Variants in SNAP47 observed in about 807,000 individuals in gnomAD.
The protein encoded by SNAP47 is synaptosome associated protein 47.
In SNAP47, 20 loss-of-function variants were observed where a neutral mutation model predicts 31.4. The ratio of observed to expected loss-of-function variants is 0.64; its 90% CI spans 0.45 to 0.93. The LOEUF is 0.93. Ranked by LOEUF, SNAP47 falls within the 40% of genes least tolerant of loss-of-function variation. SNAP47 has a pLI of 0.00. For missense variants in SNAP47, 492 were observed against 528.5 expected (o/e 0.93, Z 0.68); for synonymous variants, 194 against 213.4 (o/e 0.91, Z 0.79).
At chr1:227,728,287 A>T (rs1312994775), upstream of SNAP47, among the ~76,000 whole-genome samples, 2 of 150,648 alleles carry the variant, frequency 1.3e-5, no homozygotes, top group Non-Finnish European at 3.0e-5. Context: ...ACACAAGGGT[A>T]GGGAAGGGTT....
At chr1:227,729,859 G>A (rs1660528798) in intron 1 of SNAP47, among the ~76,000 whole-genome samples, 1 of 152,162 alleles carries the variant, frequency 6.6e-6, no homozygotes, top group South Asian at 2.1e-4. Context: ...CTCACTCTGT[G>A]TCCTCCCAGG....
intron 2 of SNAP47, among the ~76,000 whole-genome samples, chr1:227,757,763 A>G (rs1456637121): frequency 6.6e-6 from 1 of 152,244 alleles, no homozygotes; most frequent in Admixed American, 6.5e-5. Context: ...TACAGTCAGG[A>G]TGGAAGGAAA....
chr1:227,766,719 G>GTC (rs1663425594), intron 3 of SNAP47, among the ~76,000 whole-genome samples: 1 of 152,174 alleles, frequency 6.6e-6, no homozygotes, highest in Non-Finnish European at 1.5e-5. Context: ...AAACCACTTG[G>GTC]GATGTAGGGC....
At chr1:227,747,519 A>C (rs1233211368) in intron 1 of SNAP47, among the ~76,000 whole-genome samples, 173 bp from the exon 2 acceptor site, 1 of 152,038 alleles carries the variant, frequency 6.6e-6, no homozygotes, top group Non-Finnish European at 1.5e-5. Flanking sequence ...CTCTTCCTTC[A>C]CCTGCTGAGA....
At chr1:227,737,829 A>G (rs1308795733) in intron 1 of SNAP47, among the ~76,000 whole-genome samples, 1 of 152,106 alleles carries the variant, frequency 6.6e-6, no homozygotes, top group African/African-American at 2.4e-5. Flanking sequence ...TGTGTGATTC[A>G]GTGCGTGCTA....
At chr1:227,732,925 T>C, upstream of SNAP47, 2 of 1,613,110 alleles carry the variant, frequency 1.2e-6, no homozygotes, top group Non-Finnish European at 1.7e-6. Context: ...CTCCACTCGC[T>C]GACCTCCTCC....
intron 2 of SNAP47, among the ~76,000 whole-genome samples, chr1:227,748,455 A>G (rs112207458): frequency 5.3e-5 from 8 of 152,360 alleles, no homozygotes; most frequent in African/African-American, 1.9e-4. Flanking sequence ...CTGGAAACAC[A>G]CCGTGAGATC....
intron 3 of SNAP47, among the ~76,000 whole-genome samples, chr1:227,766,041 C>G (rs943373065): frequency 6.6e-6 from 1 of 152,192 alleles, no homozygotes; most frequent in African/African-American, 2.4e-5. Flanking sequence ...GGTATCCCCC[C>G]TTTCCTCTCC....
chr1:227,746,907 GT>G, intron 1 of SNAP47: 1 of 152,346 alleles, frequency 6.6e-6, no homozygotes, highest in African/African-American at 2.4e-5. Flanking sequence ...AGGCCCTCTT[GT>G]TTTCTTAACC....
intron 1 of SNAP47, among the ~76,000 whole-genome samples, chr1:227,742,296 A>G (rs1294599064): frequency 6.6e-6 from 1 of 152,072 alleles, no homozygotes; most frequent in Non-Finnish European, 1.5e-5. Context: ...GTGCAGTGGT[A>G]CAATCACGAC....
Position 227,780,573 on chromosome 1 carries a change from T to G in SNAP47, c.1160T>G (p.Leu387Arg). 5 of 1,614,166 alleles carry G rather than the reference T, an allele frequency of 3.1e-6. No homozygotes were observed. Among genetic ancestry groups the G allele is most frequent in the Non-Finnish European group, 4.2e-6 (5 of 1,180,028 alleles). ...CTGGCCCTGGAGGCCGAGAGTGAGC[T>G]GGAGAGACAAGACGAAGCCCTGGAT... ...KGLALEAESE[L>R]ERQDEALDGV... The change falls in exon 5 of 5, where the codon CTG (leucine) becomes CGG (arginine). Residue 387 changes from leucine (L) to arginine (R), a missense_variant. Transcript: ENST00000617596.
At chr1:227,745,132 A>G (rs1661878833) in intron 1 of SNAP47, among the ~76,000 whole-genome samples, 1 of 152,224 alleles carries the variant, frequency 6.6e-6, no homozygotes, top group Non-Finnish European at 1.5e-5. Flanking sequence ...TACACCTGTC[A>G]TGCATGCGTT....
chr1:227,734,931 C>T, upstream of SNAP47: 3 of 1,518,460 alleles, frequency 2.0e-6, no homozygotes, highest in Non-Finnish European at 2.7e-6. Context: ...CTCCCTGGTG[C>T]CCCTCTCTAG....
At chr1:227,733,713 G>A, upstream of SNAP47, 1 of 1,598,656 alleles carries the variant, frequency 6.3e-7, no homozygotes, top group South Asian at 1.1e-5. Flanking sequence ...GTTCATGCCT[G>A]TAGGGGCTGG....
At position 227,758,992 on chromosome 1, in the gene SNAP47, C is replaced by T. The variant is rs754667206; in HGVS notation, c.498-3C>T. On this transcript the variant is annotated splice_region_variant and splice_polypyrimidine_tract_variant and intron_variant, in intron 2 of 4. Coordinates refer to ENST00000617596, the MANE Select transcript of SNAP47 (RefSeq NM_053052.4). ...GTTTTCCATGTTTTGTTTGCTTTTT[C>T]AGATTGCTGACAGAACTGGAATCTC... is the stretch of plus-strand genomic sequence containing the variant. 3.2e-6 allele frequency: 5 copies of T among 1,565,822 alleles called. No homozygotes were observed. In the East Asian group the frequency reaches 1.1e-4, roughly 35 times the overall value.
At chr1:227,766,845 G>A in intron 3 of SNAP47, 114 bp from the exon 4 acceptor site, 1 of 1,454,412 alleles carries the variant, frequency 6.9e-7, no homozygotes, top group Non-Finnish European at 9.4e-7. Flanking sequence ...AAGCAGTCCT[G>A]CGTGTGGTGG....
At chr1:227,774,979 C>T (rs1048378112) in intron 4 of SNAP47, among the ~76,000 whole-genome samples, 5 of 152,224 alleles carry the variant, frequency 3.3e-5, no homozygotes, top group African/African-American at 7.2e-5. Flanking sequence ...GGAGTGAGCT[C>T]AGCTGGCCCG....
Position 227,741,874 on chromosome 1 carries a change from G to A in SNAP47, c.-45-5818G>A. On this transcript the variant is annotated intron_variant, in intron 1 of 4. Transcript: ENST00000617596. This position sits in a 1 kb window ranked among gnomAD's most constrained non-coding sequence, Gnocchi z 4.2. ...CCCTGGAAACCTGCAGTTGGAAAAG[G>A]GTGGCTACAAGTTTCTCTTCTTGCT... Among the ~76,000 whole-genome samples, 2 of 151,148 alleles carry A rather than the reference G, an allele frequency of 1.3e-5. No homozygotes were observed. Among genetic ancestry groups the A allele is most frequent in the East Asian group, 4.0e-4 (2 of 4,972 alleles).
At chr1:227,750,082 G>A (rs1431698008) in intron 2 of SNAP47, among the ~76,000 whole-genome samples, 1 of 152,240 alleles carries the variant, frequency 6.6e-6, no homozygotes, top group Non-Finnish European at 1.5e-5. Context: ...AGTATTGCAT[G>A]CAGGTTAGTT....
Sources: gnomAD v4.1 joint callset for allele counts (sites outside exome capture counted in the v4.1 genomes callset) on GRCh38, gnomAD v4.1.1 for gene constraint, Gnocchi (gnomAD v3.1) non-coding constraint, MANE v1.5 for transcripts, NCBI Gene and HGNC (gene_info 2026-07-23, HGNC 2026-07-21) for gene names.